The following GXYLT1 variants were observed in gnomAD, a reference collection of about 807,000 sequenced individuals.
The protein encoded by GXYLT1 is glucoside xylosyltransferase 1.
A neutral mutation model predicts 54.0 loss-of-function variants in GXYLT1; 29 were observed. That is an observed-to-expected ratio of 0.54 (90% CI 0.40 to 0.73). GXYLT1 has a LOEUF of 0.73. Ranked by LOEUF, GXYLT1 falls within the 30% of genes least tolerant of loss-of-function variation. The pLI, the probability that GXYLT1 is intolerant of heterozygous loss-of-function variation, is 0.00. For missense variants in GXYLT1, 490 were observed against 553.4 expected (o/e 0.89, Z 1.15); for synonymous variants, 176 against 204.1 (o/e 0.86, Z 1.17).
chr12:42,097,632 C>A lies in GXYLT1; in HGVS notation c.989-18G>T. On this transcript the variant is annotated intron_variant, in intron 6 of 7. Transcript: ENST00000398675. ...AAGGCTTTCTACATAAAGAAAAGACCAAACAATGAAGCAAATACCCCTAAT... is the reference window on the plus strand; with the variant it reads ...AAGGCTTTCTACATAAAGAAAAGACAAAACAATGAAGCAAATACCCCTAAT... The A allele has an allele frequency of 6.3e-7, 1 of 1,591,260 alleles. No homozygotes were observed. The highest frequency in any genetic ancestry group is 1.4e-5 in the African/African-American group (1 of 73,298).
intron 2 of GXYLT1, among the ~76,000 whole-genome samples, chr12:42,128,268 A>G (rs1304004170): frequency 6.6e-6 from 1 of 152,258 alleles, no homozygotes; most frequent in African/African-American, 2.4e-5. Flanking sequence ...CATTACAAAA[A>G]AAAGATAAAT....
intron 1 of GXYLT1, among the ~76,000 whole-genome samples, chr12:42,143,214 T>C (rs1399859440): frequency 6.6e-6 from 1 of 152,186 alleles, no homozygotes; most frequent in Non-Finnish European, 1.5e-5. Context: ...ATAAAAATAA[T>C]TCCTTTTCCA....
At chr12:42,142,947 A>G (rs1433403426) in intron 1 of GXYLT1, among the ~76,000 whole-genome samples, 2 of 152,198 alleles carry the variant, frequency 1.3e-5, no homozygotes, top group Non-Finnish European at 2.9e-5. Context: ...AAAGTACAGT[A>G]TTTCGGTTGA....
chr12:42,140,008 C>A (rs555536954), intron 1 of GXYLT1, among the ~76,000 whole-genome samples: 31 of 151,628 alleles, frequency 2.0e-4, no homozygotes, highest in Non-Finnish European at 4.0e-4. Context: ...GGTGAAACGC[C>A]GTCTCTACTA....
chr12:42,144,302 G>A lies in GXYLT1; in HGVS notation c.221+124C>T, dbSNP rs545565124. On this transcript the variant is annotated intron_variant, in intron 1 of 7. Transcript: ENST00000398675. ...GAGGGGAAGGAGGGAAATGAGTGAGGGGTCAGAGACAGGAGGAAAGACGCG... is the reference window on the plus strand; with the variant it reads ...GAGGGGAAGGAGGGAAATGAGTGAGAGGTCAGAGACAGGAGGAAAGACGCG... The A allele has an allele frequency of 1.1e-4, 57 of 526,272 alleles. 1 individual carries two copies. The South Asian group carries it at 1.6e-3, about 14-fold the overall frequency. The allele number at this position is 526,272 out of a possible 1,614,324, so 32.6% of individuals were successfully genotyped here.
intron 7 of GXYLT1, among the ~76,000 whole-genome samples, chr12:42,092,796 C>T (rs988841827): frequency 2.0e-5 from 3 of 151,908 alleles, no homozygotes; most frequent in African/African-American, 7.3e-5. Flanking sequence ...TTCCCTAGGC[C>T]ACACTGGAAG....
chr12:42,110,886 C>A (rs2065449538), intron 3 of GXYLT1, among the ~76,000 whole-genome samples: 1 of 152,188 alleles, frequency 6.6e-6, no homozygotes, highest in Non-Finnish European at 1.5e-5. Context: ...ATTTGATATT[C>A]TTTCATCAAA....
In GXYLT1 at chr12:42,090,865, A is replaced by C. The variant is rs146667900; in HGVS notation, c.1162-2918T>G. ...GATGCAGAAAATACCTTATAGAGCC[A>C]TAAAATGTTTTGTTCTGATTTTGAA... On this transcript the variant is annotated intron_variant, in intron 7 of 7. Coordinates refer to ENST00000398675, the MANE Select transcript of GXYLT1 (RefSeq NM_173601.2). Among the ~76,000 whole-genome samples, 301 of 152,358 alleles carry C rather than the reference A, an allele frequency of 2.0e-3. 1 individual carries two copies. Among genetic ancestry groups the C allele is most frequent in the African/African-American group, 6.0e-3 (250 of 41,588 alleles).
rs553006235 is a variant in GXYLT1, at chr12:42,106,288, CCAAAA to C, written c.613-224_613-220del. Among the ~76,000 whole-genome samples, 521 of 151,908 alleles carry C rather than the reference CCAAAA, an allele frequency of 3.4e-3. 1 individual carries two copies. The highest frequency in any genetic ancestry group is 5.6e-3 in the Non-Finnish European group (383 of 67,948). ...CTTTCAGAGAAGATATGAAAACAAA[CCAAAA>C]CAAAATACTCAATTATAAAAATTGA... On this transcript the variant is annotated intron_variant, in intron 4 of 7. Transcript: ENST00000398675.
intron 7 of GXYLT1, among the ~76,000 whole-genome samples, chr12:42,089,244 G>C (rs1370344911): frequency 2.0e-5 from 3 of 149,260 alleles, no homozygotes; most frequent in Non-Finnish European, 4.4e-5. Context: ...TCTAAGAGTT[G>C]TATATGACTG....
intron 3 of GXYLT1, among the ~76,000 whole-genome samples, chr12:42,115,316 A>G (rs1254503735): frequency 5.3e-5 from 8 of 152,334 alleles, no homozygotes; most frequent in Non-Finnish European, 1.2e-4. Context: ...AAGGGCATTC[A>G]ATTAGGAAAA....
chr12:42,119,769 C>T (rs2065519501), intron 2 of GXYLT1, among the ~76,000 whole-genome samples: 1 of 152,182 alleles, frequency 6.6e-6, no homozygotes, highest in Admixed American at 6.5e-5. Flanking sequence ...AATTGTGCCA[C>T]TTTACTCCAG....
At chr12:42,136,897 T>G (rs759615317) in intron 1 of GXYLT1, among the ~76,000 whole-genome samples, 34 of 151,926 alleles carry the variant, frequency 2.2e-4, no homozygotes, top group Non-Finnish European at 3.2e-4. Context: ...CCTCAACCTC[T>G]GGAGTAGCTG....
At chr12:42,119,397 C>T (rs1207029581) in intron 2 of GXYLT1, among the ~76,000 whole-genome samples, 1 of 148,398 alleles carries the variant, frequency 6.7e-6, no homozygotes, top group Non-Finnish European at 1.5e-5. Flanking sequence ...CAGAGCCAGA[C>T]CCTGTGAAAG....
intron 1 of GXYLT1, among the ~76,000 whole-genome samples, chr12:42,143,692 C>G (rs2065663900): frequency 6.6e-6 from 1 of 152,104 alleles, no homozygotes; most frequent in Non-Finnish European, 1.5e-5. Flanking sequence ...CATTTTTTTT[C>G]TATTTAAATC....
rs2065256684 is a variant in GXYLT1, at chr12:42,081,982, T to G, written c.*5804A>C. On this transcript the variant is annotated 3_prime_UTR_variant, in exon 8 of 8. Coordinates refer to ENST00000398675, the MANE Select transcript of GXYLT1 (RefSeq NM_173601.2). Reference sequence around the variant, plus strand: ...CCATTATTCTTAGTTTAGACCAGAATCTTTAATTTTATATTCTCCTTTAAT... The same window carrying G: ...CCATTATTCTTAGTTTAGACCAGAAGCTTTAATTTTATATTCTCCTTTAAT... The G allele has an allele frequency of 6.6e-6, 1 of 152,210 alleles. No homozygotes were observed. 9.4% of individuals were successfully genotyped at this position (152,210 alleles called of 1,614,324 possible).
intron 1 of GXYLT1, among the ~76,000 whole-genome samples, chr12:42,135,598 A>T (rs2065615281): frequency 6.6e-6 from 1 of 152,260 alleles, no homozygotes; most frequent in Non-Finnish European, 1.5e-5. Context: ...AATGTGGTAT[A>T]TCCATACAAT....
At position 42,097,493 on chromosome 12, in the gene GXYLT1, G is replaced by A; in HGVS notation, c.1110C>T (p.Tyr370=). The A allele has an allele frequency of 1.2e-6, 2 of 1,605,798 alleles. No individual in the cohort carries two copies. Among genetic ancestry groups the A allele is most frequent in the Middle Eastern group, 1.8e-4 (1 of 5,562 alleles). The change falls in exon 7 of 8, where the codon TAC becomes TAT. Residue 370 remains tyrosine, a synonymous_variant. Coordinates refer to ENST00000398675, the MANE Select transcript of GXYLT1 (RefSeq NM_173601.2). Reference sequence around the variant, plus strand: ...TAAATGCTGGTTGCTTATCGTCATGGTAAACACCTCTGTTCCCATGAAGAA... The same window carrying A: ...TAAATGCTGGTTGCTTATCGTCATGATAAACACCTCTGTTCCCATGAAGAA... The part of the protein sequence containing the change: ...IFILHGNRGV[Y]HDDKQPAFRA...
At position 42,102,486 on chromosome 12, in the gene GXYLT1, G is replaced by C. The variant is rs113315903; in HGVS notation, c.864+3332C>G. Among the ~76,000 whole-genome samples the C allele has an allele frequency of 8.7e-3, 1,325 of 152,140 alleles. 14 individuals carry two copies. The highest frequency in any genetic ancestry group is 0.031 in the African/African-American group (1,283 of 41,484). On this transcript the variant is annotated intron_variant, in intron 5 of 7. Coordinates refer to ENST00000398675, the MANE Select transcript of GXYLT1 (RefSeq NM_173601.2). Reference sequence around the variant, plus strand: ...ACCTTCATCTGACTCTCCTTTGCTAGCAATTATCTATCAAGTTGCTACTTT... The same window carrying C: ...ACCTTCATCTGACTCTCCTTTGCTACCAATTATCTATCAAGTTGCTACTTT...
Sources: gnomAD v4.1 joint callset for allele counts (sites outside exome capture counted in the v4.1 genomes callset) on GRCh38, gnomAD v4.1.1 for gene constraint, MANE v1.5 for transcripts, NCBI Gene and HGNC (gene_info 2026-07-23, HGNC 2026-07-21) for gene names.